Variants in CATSPERD observed in about 807,000 individuals in gnomAD.
CATSPERD encodes the protein catsper channel auxiliary subunit delta, also known as cation channel sperm-associated auxiliary subunit delta.
Under a neutral mutation model 98.1 loss-of-function variants are expected in CATSPERD, and 86 were observed. The observed-to-expected ratio is 0.88, with a 90% CI of 0.74 to 1.05. The LOEUF (loss-of-function observed/expected upper bound fraction) is 1.05, where lower values mean the gene tolerates loss of function less well. Ranked by LOEUF, CATSPERD falls within the 50% of genes least tolerant of loss-of-function variation. The pLI, the probability that CATSPERD is intolerant of heterozygous loss-of-function variation, is 0.00. For synonymous variants in CATSPERD, 394 were observed against 390.2 expected, an observed-to-expected ratio of 1.01 and a Z score of -0.12; for missense variants, 995 against 1,005.7, an observed-to-expected ratio of 0.99 and a Z score of 0.14.
chr19:5,749,116 C>G lies in CATSPERD; in HGVS notation c.920C>G (p.Ala307Gly), dbSNP rs774003666. 2.2e-5 allele frequency: 35 copies of G among 1,611,720 alleles called. No homozygotes were observed. In the Admixed American group the frequency reaches 5.5e-4, roughly 26 times the overall value. Residue 307 changes from alanine (A) to glycine (G), a missense_variant, in exon 11 of 22, where the codon GCA (alanine) becomes GGA (glycine). This residue lies in a region of CATSPERD where 762 missense variants were observed against 773.7 expected (regional missense o/e 0.98). Transcript: ENST00000381624. The stretch of plus-strand genomic sequence containing the variant: ...TTTTTCCCAGCTGAAAATGAACTGG[C>G]AGTTATAACTCGGGAGGATAATTTG... The part of the protein sequence containing the change: ...HNIAVTENEL[A>G]VITREDNLYY...
intron 4 of CATSPERD, among the ~76,000 whole-genome samples, chr19:5,731,017 A>G (rs1037743767): frequency 3.4e-5 from 5 of 148,942 alleles, no homozygotes; most frequent in Admixed American, 6.8e-5. Context: ...GCATGAACCC[A>G]GGAGGCGGAG....
At chr19:5,772,296 T>C (rs924119435) in intron 19 of CATSPERD, 10 of 229,114 alleles carry the variant, frequency 4.4e-5, no homozygotes, top group South Asian at 1.9e-4. Flanking sequence ...GGTGTGATCT[T>C]GGCTCACCGC....
rs1015057809 is a variant in CATSPERD, at chr19:5,733,335, CCTTT to C, written c.277-509_277-506del. ...TCTTTCTTTCTTTCTTTCTTTCTTTCCTTTCTTTCTTTCTTCCTTCCTTCCCTCC... is the reference window on the plus strand; with the variant it reads ...TCTTTCTTTCTTTCTTTCTTTCTTTCCTTTCTTTCTTCCTTCCTTCCCTCC... On this transcript the variant is annotated intron_variant, in intron 4 of 21. Coordinates refer to ENST00000381624, the MANE Select transcript of CATSPERD (RefSeq NM_152784.4). 1.1e-3 allele frequency among the ~76,000 whole-genome samples: 134 copies of C among 122,976 alleles called. No homozygotes were observed. The Middle Eastern group carries it at 0.016, about 15-fold the overall frequency. 80.7% of individuals were successfully genotyped at this position (122,976 alleles called of 152,430 possible).
At chr19:5,733,429 CCTCCTTT>C (rs1568343911) in intron 4 of CATSPERD, among the ~76,000 whole-genome samples, 44 of 147,414 alleles carry the variant, frequency 3.0e-4, no homozygotes, top group African/African-American at 1.0e-3. Flanking sequence ...TTCCTTCCTT[CCTCCTTT>C]CTTTCTTTCT....
rs1270620727 is a variant in CATSPERD, at chr19:5,778,611, G to A, written c.2332G>A (p.Ala778Thr). Reference protein sequence around the residue: ...TVCQFRASATARAGTEPPGRH... With the variant: ...TVCQFRASATTRAGTEPPGRH... ...CTGCCAGTTCAGGGCCTCAGCCACA[G>A]CCAGGGCAGGCACAGAGCCCCCGGG... Residue 778 changes from alanine (A) to threonine (T), a missense_variant, in exon 22 of 22, where the codon GCC becomes ACC. Physicochemically the swap from Ala to Thr is moderately conservative, Grantham distance 58 (BLOSUM62 0). This residue lies in a region of CATSPERD where 762 missense variants were observed against 773.7 expected (regional missense o/e 0.98). Transcript: ENST00000381624. 6.2e-7 allele frequency: 1 copy of A among 1,613,830 alleles called. No homozygotes were observed. The highest frequency in any genetic ancestry group is 1.3e-5 in the African/African-American group (1 of 75,048).
chr19:5,770,430 CA>C (rs539340482), intron 18 of CATSPERD, among the ~76,000 whole-genome samples: 291 of 81,948 alleles, frequency 3.6e-3, no homozygotes, highest in Middle Eastern at 0.016. Flanking sequence ...AACTCCGTCT[CA>C]AAAAAAAAAA....
intron 20 of CATSPERD, among the ~76,000 whole-genome samples, chr19:5,773,549 G>A (rs979254899): frequency 3.3e-5 from 5 of 152,074 alleles, no homozygotes; most frequent in Middle Eastern, 3.4e-3. Context: ...TTTTAGGCAG[G>A]GTCTCACTCT....
intron 15 of CATSPERD, among the ~76,000 whole-genome samples, chr19:5,761,869 G>A (rs1438357478): frequency 2.7e-5 from 4 of 150,804 alleles, no homozygotes; most frequent in Non-Finnish European, 5.9e-5. Flanking sequence ...GGGACTACAG[G>A]CGTGTGCCAC....
At chr19:5,759,043 T>C in intron 14 of CATSPERD, 43 bp from the exon 15 acceptor site, 1 of 1,580,566 alleles carries the variant, frequency 6.3e-7, no homozygotes. Context: ...ATGCCCATGG[T>C]GTTCCACGGA....
At chr19:5,744,369 G>A (rs1425694552) in intron 7 of CATSPERD, 58 bp from the exon 8 acceptor site, 19 of 1,406,564 alleles carry the variant, frequency 1.4e-5, no homozygotes, top group South Asian at 9.5e-5. Context: ...AAGTTAAACC[G>A]ACAAACACAT....
chr19:5,723,043 T>C (rs2055526404), intron 1 of CATSPERD, among the ~76,000 whole-genome samples: 1 of 151,096 alleles, frequency 6.6e-6, no homozygotes, highest in South Asian at 2.1e-4. Context: ...AAAAAATTAG[T>C]CGGTGTGGTG....
At chr19:5,751,579 G>C in intron 11 of CATSPERD, 68 bp from the exon 12 acceptor site, 1 of 263,216 alleles carries the variant, frequency 3.8e-6, no homozygotes. Context: ...TCTGCATCAT[G>C]AAATAAAATT....
intron 9 of CATSPERD, among the ~76,000 whole-genome samples, chr19:5,747,183 T>C (rs1599547228): frequency 6.7e-6 from 1 of 148,162 alleles, no homozygotes; most frequent in East Asian, 2.0e-4. Flanking sequence ...TTTTTTTTTT[T>C]TTTTTTTGGG....
chr19:5,767,891 G>A (rs540085828), intron 17 of CATSPERD, among the ~76,000 whole-genome samples: 2 of 152,216 alleles, frequency 1.3e-5, no homozygotes, highest in East Asian at 3.9e-4. Flanking sequence ...CCGCCTCCCA[G>A]GTTCAAGTGA....
At chr19:5,771,256 TTTC>T (rs2056639271) in intron 19 of CATSPERD, among the ~76,000 whole-genome samples, 184 bp downstream of exon 19, 1 of 152,168 alleles carries the variant, frequency 6.6e-6, no homozygotes, top group Non-Finnish European at 1.5e-5. Flanking sequence ...TGGAACACCT[TTTC>T]TTTTTTTGAG....
At chr19:5,738,176 G>A (rs1015829349) in intron 6 of CATSPERD, among the ~76,000 whole-genome samples, 5 of 151,736 alleles carry the variant, frequency 3.3e-5, no homozygotes, top group African/African-American at 1.2e-4. Context: ...GGGAGGCTGA[G>A]GCGGGCAGAT....
chr19:5,728,968 G>A (rs1173120965), intron 3 of CATSPERD, among the ~76,000 whole-genome samples: 1 of 151,234 alleles, frequency 6.6e-6, no homozygotes, highest in African/African-American at 2.4e-5. Context: ...CCAAAGTGCT[G>A]GGATTACAGG....
chr19:5,772,284 G>C (rs12985299), intron 19 of CATSPERD: 42,403 of 228,294 alleles, frequency 0.19, 4,524 homozygotes, highest in Non-Finnish European at 0.23. Flanking sequence ...CTGGAGTGCA[G>C]CGGTGTGATC....
intron 7 of CATSPERD, among the ~76,000 whole-genome samples, chr19:5,740,811 A>G (rs1203557616): frequency 6.6e-6 from 1 of 150,940 alleles, no homozygotes; most frequent in Non-Finnish European, 1.5e-5. Context: ...GTGTAGGGAC[A>G]TGGTGGCTCA....
Sources: allele counts gnomAD v4.1 joint callset (sites outside exome capture counted in the v4.1 genomes callset), GRCh38; gene constraint gnomAD v4.1.1; regional missense constraint gnomAD v4.1.1; transcripts MANE v1.5; gene names NCBI Gene and HGNC (gene_info 2026-07-23, HGNC 2026-07-21).